The following GNG12 variants were observed in gnomAD, a reference collection of about 807,000 sequenced individuals.
The protein encoded by GNG12 is guanine nucleotide-binding protein G(I)/G(S)/G(O) subunit gamma-12.
For synonymous variants in GNG12, 28 were observed against 29.7 expected, an observed-to-expected ratio of 0.94 and a Z score of 0.19; for missense variants, 69 against 83.8, an observed-to-expected ratio of 0.82 and a Z score of 0.69.
chr1:67,757,587 C>T (rs535465766), intron 2 of GNG12, among the ~76,000 whole-genome samples: 7 of 152,198 alleles, frequency 4.6e-5, no homozygotes, highest in Admixed American at 4.6e-4. Context: ...AAGGGACTAT[C>T]ACAAATGGGA....
chr1:67,788,058 C>A (rs560606333), intron 1 of GNG12, among the ~76,000 whole-genome samples: 1 of 152,302 alleles, frequency 6.6e-6, no homozygotes, highest in East Asian at 1.9e-4. Flanking sequence ...TGTGACTGAC[C>A]TCCCCAAGCT....
intron 1 of GNG12, among the ~76,000 whole-genome samples, chr1:67,823,303 C>T (rs888716612): frequency 5.3e-5 from 8 of 152,282 alleles, no homozygotes; most frequent in Middle Eastern, 3.4e-3. Context: ...AGATCATCTT[C>T]ATCATGTTTT....
intron 1 of GNG12, among the ~76,000 whole-genome samples, chr1:67,796,366 C>A (rs1371124708): frequency 2.0e-5 from 3 of 152,050 alleles, no homozygotes; most frequent in African/African-American, 7.2e-5. Context: ...ATGCTTTCTG[C>A]TTGAGGCCTG....
At chr1:67,820,658 C>T (rs1293892120) in intron 1 of GNG12, among the ~76,000 whole-genome samples, 3 of 152,196 alleles carry the variant, frequency 2.0e-5, no homozygotes, top group African/African-American at 7.2e-5. Context: ...CAGAGTCAGA[C>T]CACTCACTAC....
At chr1:67,732,977 A>T (rs746550767) in intron 2 of GNG12, among the ~76,000 whole-genome samples, 2 of 152,228 alleles carry the variant, frequency 1.3e-5, no homozygotes, top group Admixed American at 6.5e-5. Context: ...GGATCTGAGC[A>T]GCTGGTGTGG....
At chr1:67,750,088 A>G (rs17531865) in intron 2 of GNG12, among the ~76,000 whole-genome samples, 13,595 of 152,232 alleles carry the variant, frequency 0.089, 620 homozygotes, top group Admixed American at 0.11. Context: ...ATCTTCCTTT[A>G]AACAACAAAA....
chr1:67,812,879 A>C (rs958992365), intron 1 of GNG12, among the ~76,000 whole-genome samples: 5 of 152,188 alleles, frequency 3.3e-5, no homozygotes, highest in Non-Finnish European at 7.3e-5. Flanking sequence ...TTTTGCACAG[A>C]GATGCTCTTA....
At chr1:67,712,369 G>A (rs1646300473) in intron 2 of GNG12, among the ~76,000 whole-genome samples, 2 of 152,146 alleles carry the variant, frequency 1.3e-5, no homozygotes. Flanking sequence ...ATTAGATGAG[G>A]CAATCAAAGT....
intron 2 of GNG12, among the ~76,000 whole-genome samples, chr1:67,762,401 G>A (rs1646610827): frequency 6.6e-6 from 1 of 152,080 alleles, no homozygotes; most frequent in Non-Finnish European, 1.5e-5. Flanking sequence ...GGAAGGCAAG[G>A]AACTGTAAGG....
chr1:67,791,846 TACTTAACAC>T lies in GNG12; in HGVS notation c.-76-14348_-76-14340del, dbSNP rs1210886217. On this transcript the variant is annotated intron_variant, in intron 1 of 3. Coordinates refer to ENST00000370982, the MANE Select transcript of GNG12 (RefSeq NM_018841.6). ...AAAACTCTCCAACAGATTCTCAGCA[TACTTAACAC>T]ACTTACTCACGTCCACTCCTTGGCC... Among the ~76,000 whole-genome samples, 3 of 152,136 alleles carry T rather than the reference TACTTAACAC, an allele frequency of 2.0e-5. No homozygotes were observed. The East Asian group carries it at 5.8e-4, about 29-fold the overall frequency.
intron 2 of GNG12, among the ~76,000 whole-genome samples, chr1:67,740,912 T>C (rs56197015): frequency 0.056 from 8,504 of 152,288 alleles, 722 homozygotes; most frequent in African/African-American, 0.18. Flanking sequence ...AGCCATCCAA[T>C]TTATGGTATT....
At position 67,764,689 on chromosome 1, in the gene GNG12, G is replaced by C. The variant is rs905136041; in HGVS notation, c.-27+12769C>G. On this transcript the variant is annotated intron_variant, in intron 2 of 3. Coordinates refer to ENST00000370982, the MANE Select transcript of GNG12 (RefSeq NM_018841.6). ...AAGGTACTAACAGCTGTGTGTATAT[G>C]CGTGTGTGTATATGTGTGTGTGTTC... Among the ~76,000 whole-genome samples the C allele has an allele frequency of 8.5e-5, 13 of 152,326 alleles. No individual in the cohort carries two copies. In the East Asian group the frequency reaches 2.3e-3, roughly 27 times the overall value.
chr1:67,812,046 T>C (rs1265621832), intron 1 of GNG12, among the ~76,000 whole-genome samples: 1 of 152,202 alleles, frequency 6.6e-6, no homozygotes. Flanking sequence ...GGTTTCCAGA[T>C]AAACAGCTGA....
intron 2 of GNG12, among the ~76,000 whole-genome samples, chr1:67,715,762 A>G (rs534322520): frequency 6.6e-6 from 1 of 152,344 alleles, no homozygotes; most frequent in East Asian, 1.9e-4. Context: ...TCATTCTGCT[A>G]ACTTTGCCAA....
intron 1 of GNG12, among the ~76,000 whole-genome samples, chr1:67,787,017 G>A (rs1570548327): frequency 1.5e-5 from 2 of 133,110 alleles, no homozygotes; most frequent in African/African-American, 5.7e-5. Context: ...CTGTGTGTGT[G>A]TATATATGTA....
intron 2 of GNG12, among the ~76,000 whole-genome samples, chr1:67,707,997 T>G (rs1646260240): frequency 1.3e-5 from 2 of 152,232 alleles, no homozygotes; most frequent in South Asian, 4.1e-4. Flanking sequence ...TTTCTAGGAT[T>G]TCCTAAGAGG....
intron 2 of GNG12, among the ~76,000 whole-genome samples, chr1:67,773,122 A>G (rs1325958051): frequency 6.6e-6 from 1 of 152,200 alleles, no homozygotes; most frequent in East Asian, 1.9e-4. Flanking sequence ...AAATACTCCT[A>G]ATAAACTTGA....
intron 1 of GNG12, among the ~76,000 whole-genome samples, chr1:67,783,680 GA>G (rs1163232936): frequency 1.3e-5 from 2 of 152,212 alleles, no homozygotes; most frequent in African/African-American, 2.4e-5. Flanking sequence ...CTTCTCAAAA[GA>G]AGACATTTAT....
intron 2 of GNG12, among the ~76,000 whole-genome samples, chr1:67,729,219 C>T (rs1646405013): frequency 6.6e-6 from 1 of 152,166 alleles, no homozygotes; most frequent in Admixed American, 6.5e-5. Context: ...TGTCATCTCT[C>T]CTCTCATCCA....
Sources: allele counts gnomAD v4.1 joint callset (sites outside exome capture counted in the v4.1 genomes callset), GRCh38; gene constraint gnomAD v4.1.1; transcripts MANE v1.5; gene names NCBI Gene and HGNC (gene_info 2026-07-23, HGNC 2026-07-21).